Variants in SARS1 observed in about 807,000 individuals in gnomAD.
SARS1 encodes seryl-tRNA synthetase 1, also known as serine--tRNA ligase, cytoplasmic.
SARS1 carries 25 observed loss-of-function variants against 63.7 expected under a neutral mutation model. The ratio of observed to expected loss-of-function variants is 0.39; its 90% confidence interval spans 0.29 to 0.55. The LOEUF is 0.55. SARS1 is among the 20% of genes least tolerant of loss of function. The pLI is 0.62. For missense variants in SARS1, 417 were observed against 649.7 expected (o/e 0.64, Z 3.89); for synonymous variants, 231 against 243.5 (o/e 0.95, Z 0.48).
chr1:109,231,703 C>T lies in SARS1; in HGVS notation c.664C>T (p.Pro222Ser). ...CACCTTGGGAAGTCGGGGCTACATT[C>T]CCATTTATACCCCCTTTTTCATGAG... ...LRTLGSRGYIPIYTPFFMRKE... is the reference protein window; with the variant it reads ...LRTLGSRGYISIYTPFFMRKE... Residue 222 changes from proline (P) to serine (S), a missense_variant, in exon 6 of 11, where the codon CCC becomes TCC. Transcript: ENST00000234677. 1.3e-6 allele frequency: 2 copies of T among 1,595,542 alleles called. No individual in the cohort carries two copies. The highest frequency in any genetic ancestry group is 2.3e-5 in the East Asian group (1 of 42,692).
chr1:109,229,634 G>C, intron 4 of SARS1, 62 bp downstream of exon 4: 1 of 1,525,484 alleles, frequency 6.6e-7, no homozygotes, highest in Non-Finnish European at 8.9e-7. Context: ...CAGGGGCGGG[G>C]ACGGGAGGAG....
intron 4 of SARS1, 131 bp from the exon 5 acceptor site, chr1:109,230,747 G>A: frequency 8.6e-6 from 6 of 698,260 alleles, no homozygotes; most frequent in South Asian, 2.7e-5. Flanking sequence ...TGAGGCTGCA[G>A]TGAGCCAAGA....
At chr1:109,231,085 T>A (rs75028309) in intron 5 of SARS1, 64 bp downstream of exon 5, 110,078 of 386,376 alleles carry the variant, frequency 0.28, 5,685 homozygotes, top group African/African-American at 0.47. Context: ...ATATATATAT[T>A]TTTTTTTTTT....
chr1:109,235,851 TG>T lies in SARS1; in HGVS notation c.970-121del. 2.2e-6 allele frequency: 2 copies of T among 904,102 alleles called. No individual in the cohort carries two copies. Among genetic ancestry groups the T allele is most frequent in the Non-Finnish European group, 3.4e-6 (2 of 591,578 alleles). 56.0% of individuals were successfully genotyped at this position (904,102 alleles called of 1,614,324 possible). ...GCTCTTGTGGTCCAGTCCCAGTTGC[TG>T]GGGGCCCAGACTTGCCTGCCTCCCA... On this transcript the variant is annotated intron_variant, in intron 7 of 10. Coordinates refer to ENST00000234677, the MANE Select transcript of SARS1 (RefSeq NM_006513.4). The surrounding 1 kb of genome is among the most constrained non-coding windows in gnomAD (Gnocchi z 4.7).
At position 109,237,637 on chromosome 1, in the gene SARS1, A is replaced by G. The variant is rs1477977588; in HGVS notation, c.1388-94A>G. The G allele has an allele frequency of 5.0e-6, 7 of 1,402,752 alleles. No homozygotes were observed. The Admixed American group carries it at 1.4e-4, about 29-fold the overall frequency. The allele number at this position is 1,402,752 out of a possible 1,614,324, so 86.9% of individuals were successfully genotyped here. ...CCTATCAAAGGGACCCCTCTGTTCA[A>G]AGGGATCATTGTCTTGTTGAATTCT... On this transcript the variant is annotated intron_variant, in intron 10 of 10. Transcript: ENST00000234677. The surrounding 1 kb of genome is among the most constrained non-coding windows in gnomAD (Gnocchi z 4.1).
Position 109,237,166 on chromosome 1 carries a change from G to A in SARS1, c.1258-78G>A. 2 of 1,541,132 alleles carry A rather than the reference G, an allele frequency of 1.3e-6. No individual in the cohort carries two copies. The highest frequency in any genetic ancestry group is 2.5e-5 in the South Asian group (2 of 78,708). On this transcript the variant is annotated intron_variant, in intron 9 of 10. Coordinates refer to ENST00000234677, the MANE Select transcript of SARS1 (RefSeq NM_006513.4). This position sits in a 1 kb window ranked among gnomAD's most constrained non-coding sequence, Gnocchi z 4.1. ...CAGTTGTGGTTGGGGAAGTCTGGTT[G>A]AATGGATGGTTCCTGGCCGTCAGTA...
chr1:109,221,123 T>C (rs988545169), intron 1 of SARS1, among the ~76,000 whole-genome samples: 1 of 151,576 alleles, frequency 6.6e-6, no homozygotes, highest in African/African-American at 2.4e-5. Context: ...TGCAGTGGCG[T>C]GACCTCAGCT....
At position 109,237,110 on chromosome 1, in the gene SARS1, TA is replaced by T; in HGVS notation, c.1258-132del. 1.4e-6 allele frequency: 2 copies of T among 1,392,714 alleles called. No homozygotes were observed. The highest frequency in any genetic ancestry group is 1.9e-6 in the Non-Finnish European group (2 of 1,031,654). The allele number at this position is 1,392,714 out of a possible 1,614,324, so 86.3% of individuals were successfully genotyped here. ...TAATTCAAATTTAGAAAAAAGTTGCTAAGGGGTAGAACCCATCATTTTGATT... is the reference window on the plus strand; with the variant it reads ...TAATTCAAATTTAGAAAAAAGTTGCTAGGGGTAGAACCCATCATTTTGATT... On this transcript the variant is annotated intron_variant, in intron 9 of 10. Coordinates refer to ENST00000234677, the MANE Select transcript of SARS1 (RefSeq NM_006513.4). The surrounding 1 kb of genome is among the most constrained non-coding windows in gnomAD (Gnocchi z 4.1).
Position 109,237,602 on chromosome 1 carries a change from G to A in SARS1, c.1388-129G>A, listed in dbSNP as rs1655341099. On this transcript the variant is annotated intron_variant, in intron 10 of 10. Coordinates refer to ENST00000234677, the MANE Select transcript of SARS1 (RefSeq NM_006513.4). This position sits in a 1 kb window ranked among gnomAD's most constrained non-coding sequence, Gnocchi z 4.1. ...CAGACTAGGGAAGAAAAGAATAAAG[G>A]AAACCAGTGCCTATCAAAGGGACCC... 8.6e-7 allele frequency: 1 copy of A among 1,161,124 alleles called. No individual in the cohort carries two copies. Among genetic ancestry groups the A allele is most frequent in the South Asian group, 1.5e-5 (1 of 66,964 alleles). 71.9% of individuals were successfully genotyped at this position (1,161,124 alleles called of 1,614,324 possible).
At chr1:109,221,970 G>GTGTATA (rs1654939076) in intron 1 of SARS1, among the ~76,000 whole-genome samples, 4 of 28,060 alleles carry the variant, frequency 1.4e-4, no homozygotes, top group Admixed American at 6.3e-4. Flanking sequence ...TTGTGTGTGT[G>GTGTATA]TATATATATA....
At chr1:109,230,293 AAAC>A (rs1353908096) in intron 4 of SARS1, among the ~76,000 whole-genome samples, 3 of 152,068 alleles carry the variant, frequency 2.0e-5, no homozygotes, top group Non-Finnish European at 4.4e-5. Flanking sequence ...TAAACAAAAA[AAAC>A]CCCCGAGAGA....
chr1:109,230,296 C>A (rs642581), intron 4 of SARS1, among the ~76,000 whole-genome samples: 106,309 of 151,622 alleles, frequency 0.7, 38,967 homozygotes, highest in East Asian at 0.89. Flanking sequence ...ACAAAAAAAA[C>A]CCCCGAGAGA....
At position 109,235,336 on chromosome 1, in the gene SARS1, A is replaced by G. The variant is rs1655287126; in HGVS notation, c.874A>G (p.Ile292Val). ...GTGGCTCCGGCCGGAGGACCTGCCC[A>G]TCAAGTATGCTGGCCTGTCTACCTG... ...DEWLRPEDLP[I>V]KYAGLSTCFR... is the part of the protein sequence containing the mutation. Residue 292 changes from isoleucine to valine, a missense_variant, in exon 7 of 11, where the codon ATC (isoleucine) becomes GTC (valine). Transcript: ENST00000234677. The surrounding 1 kb of genome is among the most constrained non-coding windows in gnomAD (Gnocchi z 4.7). 1 of 1,613,518 alleles carries G rather than the reference A, an allele frequency of 6.2e-7. No individual in the cohort carries two copies. Among genetic ancestry groups the G allele is most frequent in the Non-Finnish European group, 8.5e-7 (1 of 1,179,882 alleles).
intron 1 of SARS1, among the ~76,000 whole-genome samples, chr1:109,223,279 A>G (rs993207531): frequency 6.6e-6 from 1 of 152,248 alleles, no homozygotes; most frequent in Admixed American, 6.5e-5. Context: ...AGAGGTAGCA[A>G]TCATGACTGC....
Position 109,237,753 on chromosome 1 carries a change from T to C in SARS1, c.1410T>C (p.Phe470=). 1 of 1,614,064 alleles carries C rather than the reference T, an allele frequency of 6.2e-7. No individual in the cohort carries two copies. Among genetic ancestry groups the C allele is most frequent in the Non-Finnish European group, 8.5e-7 (1 of 1,180,002 alleles). ...CAGGACTGCAAGAACTGATCCCCTTTGTGAAGCCTGCGCCCATTGAGCAGG... is the reference window on the plus strand; with the variant it reads ...CAGGACTGCAAGAACTGATCCCCTTCGTGAAGCCTGCGCCCATTGAGCAGG... The part of the protein sequence containing the change: ...MPPGLQELIP[F]VKPAPIEQEP... The change falls in exon 11 of 11, where the codon TTT becomes TTC. Residue 470 remains phenylalanine (F), a synonymous_variant. Coordinates refer to ENST00000234677, the MANE Select transcript of SARS1 (RefSeq NM_006513.4). The surrounding 1 kb of genome is among the most constrained non-coding windows in gnomAD (Gnocchi z 4.1).
intron 1 of SARS1, chr1:109,216,146 A>G (rs1340478019): frequency 1.0e-6 from 1 of 985,324 alleles, no homozygotes; most frequent in Non-Finnish European, 1.2e-6. Flanking sequence ...GATTTATATC[A>G]AGGTTCTTTG....
At chr1:109,231,542 C>T in intron 5 of SARS1, 89 bp from the exon 6 acceptor site, 1 of 1,193,230 alleles carries the variant, frequency 8.4e-7, no homozygotes, top group Non-Finnish European at 1.1e-6. Context: ...GTCCTGTTCT[C>T]TTGGCCCAGG....
intron 5 of SARS1, 40 bp downstream of exon 5, chr1:109,231,061 GAAAC>G (rs762901800): frequency 8.5e-7 from 1 of 1,173,988 alleles, no homozygotes; most frequent in Non-Finnish European, 1.1e-6. Flanking sequence ...TTATGAAAAA[GAAAC>G]AAAATATATA....
intron 2 of SARS1, among the ~76,000 whole-genome samples, chr1:109,224,604 T>C (rs1655025556): frequency 6.6e-6 from 1 of 152,110 alleles, no homozygotes; most frequent in African/African-American, 2.4e-5. Context: ...TTTGGCACAG[T>C]GTCTAGAACA....
Sources: gnomAD v4.1 joint callset for allele counts (sites outside exome capture counted in the v4.1 genomes callset) on GRCh38, gnomAD v4.1.1 for gene constraint, Gnocchi (gnomAD v3.1) non-coding constraint, MANE v1.5 for transcripts, NCBI Gene and HGNC (gene_info 2026-07-23, HGNC 2026-07-21) for gene names.